STAT5B: variants seen among roughly 807,000 people sequenced by gnomAD.
The protein encoded by STAT5B is signal transducer and activator of transcription 5B, also known as transcription factor STAT5B.
STAT5B carries 21 observed loss-of-function variants against 107.8 expected under a neutral mutation model. That is an observed-to-expected ratio of 0.19 (90% CI 0.14 to 0.28). The LOEUF is 0.28. Among genes scored for constraint, STAT5B ranks in the 10% least tolerant of loss-of-function variants. The probability of loss-of-function intolerance (pLI) is 1.00; values close to 1 mark genes in which losing one functional copy is unlikely to be tolerated. For synonymous variants in STAT5B, 325 were observed against 401.7 expected (o/e 0.81, Z 2.28); for missense variants, 565 against 1,008.2 (o/e 0.56, Z 5.95).
intron 2 of STAT5B, among the ~76,000 whole-genome samples, chr17:42,229,341 G>A (rs1209183320): frequency 1.3e-5 from 2 of 151,502 alleles, no homozygotes; most frequent in African/African-American, 2.4e-5. Context: ...ATAGAGACGG[G>A]GTTTTACCAT....
At chr17:42,228,121 A>G (rs1308246749) in intron 2 of STAT5B, among the ~76,000 whole-genome samples, 3 of 152,202 alleles carry the variant, frequency 2.0e-5, no homozygotes, top group African/African-American at 7.2e-5. Context: ...TCCAGCCTCA[A>G]GGAGTTTGGT....
chr17:42,254,810 A>G (rs1217208276), intron 1 of STAT5B, among the ~76,000 whole-genome samples: 2 of 152,154 alleles, frequency 1.3e-5, no homozygotes, highest in Admixed American at 6.6e-5. Flanking sequence ...AAAAAAAAAG[A>G]AGGTCGGTGC....
At chr17:42,234,294 C>T (rs1201879746) in intron 1 of STAT5B, 1 of 152,142 alleles carries the variant, frequency 6.6e-6, no homozygotes, top group African/African-American at 2.4e-5. Flanking sequence ...TAGTGCAATG[C>T]TATAGAACAC....
intron 3 of STAT5B, among the ~76,000 whole-genome samples, chr17:42,226,490 G>T (rs1435362653): frequency 6.6e-6 from 1 of 152,068 alleles, no homozygotes; most frequent in Non-Finnish European, 1.5e-5. Context: ...TTATAACCAT[G>T]CAAGACAAGG....
At chr17:42,253,479 C>T (rs1471181975) in intron 1 of STAT5B, among the ~76,000 whole-genome samples, 1 of 152,138 alleles carries the variant, frequency 6.6e-6, no homozygotes, top group African/African-American at 2.4e-5. Context: ...AGTAAACTTA[C>T]ATAAATACTA....
chr17:42,248,546 G>A (rs960809237), intron 1 of STAT5B, among the ~76,000 whole-genome samples: 7 of 152,062 alleles, frequency 4.6e-5, no homozygotes, highest in Non-Finnish European at 8.8e-5. Context: ...ACTTTTTCTG[G>A]TAACAGACCG....
rs781345676 is a variant in STAT5B, at chr17:42,256,861, CAAAAAAAAAAAA to C, written c.-11+19375_-11+19386del. Among the ~76,000 whole-genome samples the C allele has an allele frequency of 2.2e-4, 10 of 44,814 alleles. No individual in the cohort carries two copies. The South Asian group carries it at 4.2e-3, about 19-fold the overall frequency. The allele number at this position is 44,814 out of a possible 152,430, so 29.4% of individuals were successfully genotyped here. ...TGGGTGACAGAGCGAGACTCTGTCT[CAAAAAAAAAAAA>C]AAAAAAAAAAAAAAAGACTACATAC... On this transcript the variant is annotated intron_variant, in intron 1 of 18. Transcript: ENST00000293328.
the STAT5B span, among the ~76,000 whole-genome samples, chr17:42,285,183 G>T: frequency 6.6e-6 from 1 of 151,450 alleles, no homozygotes; most frequent in Non-Finnish European, 1.5e-5. Context: ...TCCGCCTCCT[G>T]TGTTCAAGAG....
chr17:42,285,990 C>T, the STAT5B span, among the ~76,000 whole-genome samples: 5 of 152,078 alleles, frequency 3.3e-5, no homozygotes, highest in Admixed American at 1.3e-4. Context: ...GAGGCCGAGG[C>T]GGGTGGATCA....
rs1294353197 is a variant in STAT5B at position 42,210,190 on chromosome 17, A to G, written c.1887T>C (p.Ile629=). The change falls in exon 15 of 19, where the codon ATT becomes ATC. Residue 629 remains isoleucine, a synonymous_variant. Coordinates refer to ENST00000293328, the MANE Select transcript of STAT5B (RefSeq NM_012448.4). ...ACTCACGAGAATCAAACTTCCAAGC[A>G]ATGGTGATGCCGCCAATTTCTGAGT... ...FSDSEIGGIT[I]AWKFDSQERM... 3 of 1,614,218 alleles carry G rather than the reference A, an allele frequency of 1.9e-6. No homozygotes were observed. The highest frequency in any genetic ancestry group is 2.5e-6 in the Non-Finnish European group (3 of 1,180,038).
chr17:42,244,149 G>A (rs552412600), intron 1 of STAT5B, among the ~76,000 whole-genome samples: 2 of 149,474 alleles, frequency 1.3e-5, no homozygotes, highest in African/African-American at 2.5e-5. Flanking sequence ...GTGCTATGGC[G>A]TAATCACTGC....
intron 1 of STAT5B, among the ~76,000 whole-genome samples, chr17:42,240,554 G>A (rs545809293): frequency 5.9e-5 from 9 of 152,244 alleles, no homozygotes; most frequent in South Asian, 2.1e-4. Flanking sequence ...AAAATGTTCC[G>A]GAATTAGATA....
intron 4 of STAT5B, 76 bp downstream of exon 4, chr17:42,224,703 G>C (rs1394748972): frequency 1.4e-6 from 2 of 1,454,368 alleles, no homozygotes; most frequent in African/African-American, 2.8e-5. Context: ...GAGTCACCTT[G>C]ACAAAGGTGG....
chr17:42,207,522 CACA>C (rs2080095748), intron 16 of STAT5B, 33 bp downstream of exon 16: 1 of 1,529,798 alleles, frequency 6.5e-7, no homozygotes, highest in African/African-American at 2.4e-5. Flanking sequence ...CACACACACA[CACA>C]ACAAAATCAA....
intron 15 of STAT5B, among the ~76,000 whole-genome samples, chr17:42,209,825 C>T (rs566802979): frequency 6.6e-6 from 1 of 152,298 alleles, no homozygotes; most frequent in African/African-American, 2.4e-5. Flanking sequence ...AAATTCTTCA[C>T]TGAAATAAGC....
intron 16 of STAT5B, among the ~76,000 whole-genome samples, chr17:42,204,624 T>C (rs903127444): frequency 6.6e-6 from 1 of 152,246 alleles, no homozygotes; most frequent in Non-Finnish European, 1.5e-5. Flanking sequence ...TAGGATTTTA[T>C]TTTTTTCTGA....
At chr17:42,218,958 C>A in intron 7 of STAT5B, 80 bp from the exon 8 acceptor site, 1 of 1,610,698 alleles carries the variant, frequency 6.2e-7, no homozygotes, top group Non-Finnish European at 8.5e-7. Context: ...AGCTCCCGTT[C>A]CCCCAGGAAG....
upstream of STAT5B, among the ~76,000 whole-genome samples, chr17:42,276,993 T>C (rs969509572): frequency 6.6e-6 from 1 of 152,234 alleles, no homozygotes; most frequent in African/African-American, 2.4e-5. The surrounding 1 kb of genome is among the most constrained non-coding windows in gnomAD (Gnocchi z 4.8). Context: ...AGGGTGAACC[T>C]ACGGGGGACG....
intron 1 of STAT5B, among the ~76,000 whole-genome samples, chr17:42,265,433 T>C (rs2144411539): frequency 6.8e-6 from 1 of 146,084 alleles, no homozygotes; most frequent in East Asian, 2.0e-4. Flanking sequence ...TGCAGTAGTG[T>C]GATCTCGGCT....
Sources: allele counts gnomAD v4.1 joint callset (sites outside exome capture counted in the v4.1 genomes callset), GRCh38; gene constraint gnomAD v4.1.1; non-coding constraint Gnocchi (gnomAD v3.1); transcripts MANE v1.5; gene names NCBI Gene and HGNC (gene_info 2026-07-23, HGNC 2026-07-21).